UNC5D: variants seen among roughly 807,000 people sequenced by gnomAD.
UNC5D encodes the protein netrin receptor UNC5D.
UNC5D carries 39 observed loss-of-function variants against 105.4 expected under a neutral mutation model. That is an observed-to-expected ratio of 0.37 (90% CI 0.29 to 0.48). UNC5D has a LOEUF of 0.48. Among genes scored for constraint, UNC5D ranks in the 20% least tolerant of loss-of-function variants. UNC5D has a pLI of 0.98. For synonymous variants in UNC5D, 452 were observed against 450.4 expected (o/e 1.00, Z -0.04); for missense variants, 991 against 1,202.4 (o/e 0.82, Z 2.60).
intron 4 of UNC5D, among the ~76,000 whole-genome samples, chr8:35,641,379 A>AAAAAAAAAAAAAAAAAAAAAAC: frequency 6.6e-6 from 1 of 150,450 alleles, no homozygotes; most frequent in African/African-American, 2.4e-5. Context: ...AAAAAAAAAA[A>AAAAAAAAAAAAAAAAAAAAAAC]AAAAAAGAAA....
intron 4 of UNC5D, among the ~76,000 whole-genome samples, chr8:35,631,551 T>C (rs1194317414): frequency 6.6e-6 from 1 of 152,190 alleles, no homozygotes; most frequent in African/African-American, 2.4e-5. Context: ...TTTGTCTTTG[T>C]CACCACAGTC....
chr8:35,517,648 T>C (rs1376547043), intron 1 of UNC5D, among the ~76,000 whole-genome samples: 2 of 152,204 alleles, frequency 1.3e-5, no homozygotes, highest in African/African-American at 2.4e-5. Context: ...AAGTATGAAT[T>C]ACTCACCCAA....
intron 1 of UNC5D, among the ~76,000 whole-genome samples, chr8:35,263,692 ATAG>A (rs1203669237): frequency 1.3e-5 from 2 of 152,272 alleles, no homozygotes; most frequent in Admixed American, 1.3e-4. Context: ...AGCCTTCATA[ATAG>A]TAGAGTAGAT....
At chr8:35,564,207 G>A (rs1339007722) in intron 2 of UNC5D, among the ~76,000 whole-genome samples, 1 of 151,884 alleles carries the variant, frequency 6.6e-6, no homozygotes, top group African/African-American at 2.4e-5. Context: ...GTCCATTCTG[G>A]AGAATATGTT....
chr8:35,362,653 C>A (rs968453445), intron 1 of UNC5D, among the ~76,000 whole-genome samples: 3 of 152,184 alleles, frequency 2.0e-5, no homozygotes, highest in African/African-American at 7.2e-5. Flanking sequence ...AAATCTGTCT[C>A]ATTCCCCAAA....
chr8:35,411,784 C>T (rs950251878), intron 1 of UNC5D, among the ~76,000 whole-genome samples: 1 of 151,878 alleles, frequency 6.6e-6, no homozygotes, highest in Non-Finnish European at 1.5e-5. Flanking sequence ...AGAGCAAGGA[C>T]TGTTTAATTT....
At chr8:35,728,970 A>T (rs563114561) in intron 10 of UNC5D, among the ~76,000 whole-genome samples, 1 of 152,274 alleles carries the variant, frequency 6.6e-6, no homozygotes, top group Admixed American at 6.5e-5. Flanking sequence ...ATTCTTCACT[A>T]TCTGTAACTT....
chr8:35,617,296 G>A (rs1218893724), intron 4 of UNC5D, among the ~76,000 whole-genome samples: 3 of 152,156 alleles, frequency 2.0e-5, no homozygotes, highest in African/African-American at 7.2e-5. Flanking sequence ...ACTAGAAGGT[G>A]CACTTGCCCC....
intron 8 of UNC5D, among the ~76,000 whole-genome samples, chr8:35,714,630 G>GT (rs1828147411): frequency 6.6e-6 from 1 of 152,210 alleles, no homozygotes; most frequent in Admixed American, 6.5e-5. Flanking sequence ...TTAAGGGGCA[G>GT]TTTTTTTCTA....
intron 1 of UNC5D, among the ~76,000 whole-genome samples, chr8:35,438,906 C>T (rs530384763): frequency 2.0e-5 from 3 of 152,020 alleles, no homozygotes; most frequent in African/African-American, 7.2e-5. Context: ...GAGGTCAGGT[C>T]TGGCTTAAGG....
At chr8:35,371,190 AC>A (rs1176753931) in intron 1 of UNC5D, among the ~76,000 whole-genome samples, 2 of 152,114 alleles carry the variant, frequency 1.3e-5, no homozygotes, top group East Asian at 1.9e-4. Flanking sequence ...ACACACACAC[AC>A]ACACACACAC....
chr8:35,752,038 A>G (rs574969673), intron 13 of UNC5D, among the ~76,000 whole-genome samples: 8 of 152,304 alleles, frequency 5.3e-5, no homozygotes, highest in Admixed American at 3.9e-4. Context: ...GGGAACCACA[A>G]TTATAAATCA....
intron 5 of UNC5D, 73 bp downstream of exon 5, chr8:35,683,800 A>C: frequency 7.4e-7 from 1 of 1,357,804 alleles, no homozygotes; most frequent in Non-Finnish European, 9.5e-7. Flanking sequence ...TTTTATTAAA[A>C]CTTTCAATGT....
At chr8:35,334,290 A>G (rs141448781) in intron 1 of UNC5D, among the ~76,000 whole-genome samples, 1 of 152,330 alleles carries the variant, frequency 6.6e-6, no homozygotes, top group African/African-American at 2.4e-5. Context: ...GTCCCTAAAG[A>G]TTTTACTAGC....
At chr8:35,393,660 T>G (rs1460336808) in intron 1 of UNC5D, among the ~76,000 whole-genome samples, 2 of 152,140 alleles carry the variant, frequency 1.3e-5, no homozygotes, top group African/African-American at 4.8e-5. Flanking sequence ...GTCACCTCAT[T>G]TGAAAAGCAC....
At chr8:35,319,561 A>G (rs1809566929) in intron 1 of UNC5D, among the ~76,000 whole-genome samples, 1 of 152,098 alleles carries the variant, frequency 6.6e-6, no homozygotes, top group South Asian at 2.1e-4. Flanking sequence ...CTTACTTTCC[A>G]TGAACTTCTG....
intron 1 of UNC5D, among the ~76,000 whole-genome samples, chr8:35,380,198 G>GGA (rs35266582): frequency 0.018 from 2,409 of 135,168 alleles, 31 homozygotes; most frequent in African/African-American, 0.049. Context: ...AGACCGAGAG[G>GGA]GAGAGAGAGA....
intron 1 of UNC5D, among the ~76,000 whole-genome samples, chr8:35,479,222 C>T (rs1585936922): frequency 6.6e-6 from 1 of 152,094 alleles, no homozygotes; most frequent in Non-Finnish European, 1.5e-5. Context: ...TCTAATAAAT[C>T]GTTAGCCATT....
At chr8:35,503,215 G>A (rs1427026332) in intron 1 of UNC5D, among the ~76,000 whole-genome samples, 1 of 152,142 alleles carries the variant, frequency 6.6e-6, no homozygotes, top group African/African-American at 2.4e-5. Context: ...AGATCACATA[G>A]TCGGTGTATT....
Sources: allele counts gnomAD v4.1 joint callset (sites outside exome capture counted in the v4.1 genomes callset), GRCh38; gene constraint gnomAD v4.1.1; transcripts MANE v1.5; gene names NCBI Gene and HGNC (gene_info 2026-07-23, HGNC 2026-07-21).